The following THAP4 variants were observed in gnomAD, a reference collection of about 807,000 sequenced individuals.
The protein encoded by THAP4 is peroxynitrite isomerase THAP4.
In THAP4, 18 loss-of-function variants were observed where a neutral mutation model predicts 48.1. The ratio of observed to expected loss-of-function variants is 0.37; its 90% CI spans 0.26 to 0.56. The LOEUF is 0.56. Among genes scored for constraint, THAP4 ranks in the 20% least tolerant of loss-of-function variants. The pLI is 0.78. For missense variants in THAP4, 656 were observed against 774.9 expected (o/e 0.85, Z 1.82); for synonymous variants, 345 against 324.9 (o/e 1.06, Z -0.66).
chr2:241,635,317 C>A (rs1575042766), intron 1 of THAP4, among the ~76,000 whole-genome samples: 1 of 152,094 alleles, frequency 6.6e-6, no homozygotes, highest in East Asian at 1.9e-4. Flanking sequence ...TTTCATGTTA[C>A]ATGTATTATA....
chr2:241,626,416 G>A (rs2125095352), intron 2 of THAP4, among the ~76,000 whole-genome samples: 1 of 151,926 alleles, frequency 6.6e-6, no homozygotes, highest in South Asian at 2.1e-4. Context: ...ACTCTAGCCT[G>A]GGCAACAAGA....
chr2:241,597,192 G>C (rs558614475), intron 5 of THAP4, among the ~76,000 whole-genome samples: 1 of 152,038 alleles, frequency 6.6e-6, no homozygotes, highest in Non-Finnish European at 1.5e-5. Flanking sequence ...GTGCAGTGGC[G>C]CGATCTCGGC....
At chr2:241,635,212 G>A (rs547144405) in intron 1 of THAP4, among the ~76,000 whole-genome samples, 3 of 152,338 alleles carry the variant, frequency 2.0e-5, no homozygotes, top group Admixed American at 2.0e-4. Context: ...TTGGGTCCAG[G>A]AGGCTGAGGC....
intron 3 of THAP4, among the ~76,000 whole-genome samples, chr2:241,606,036 A>C (rs984492003): frequency 1.3e-5 from 2 of 152,344 alleles, no homozygotes; most frequent in East Asian, 3.9e-4. Context: ...TGATACATAA[A>C]TTAAGTACAT....
chr2:241,629,533 G>A (rs963431396), intron 2 of THAP4, among the ~76,000 whole-genome samples: 5 of 151,036 alleles, frequency 3.3e-5, no homozygotes, highest in East Asian at 1.9e-4. Context: ...ATAAGAAAAC[G>A]GTGAGGAAGC....
At position 241,612,772 on chromosome 2, in the gene THAP4, A is replaced by G. The variant is rs1316951169; in HGVS notation, c.1241-6299T>C. 3.9e-5 allele frequency among the ~76,000 whole-genome samples: 6 copies of G among 152,340 alleles called. No individual in the cohort carries two copies. In the Middle Eastern group the frequency reaches 0.014, roughly 345 times the overall value. ...TCTCCACAGCTGCGTTCTGTGGCAGAAGACGCTAGAGTCACACGTAGAAGG... is the reference window on the plus strand; with the variant it reads ...TCTCCACAGCTGCGTTCTGTGGCAGGAGACGCTAGAGTCACACGTAGAAGG... On this transcript the variant is annotated intron_variant, in intron 2 of 5. Transcript: ENST00000407315. The surrounding 1 kb of genome is among the most constrained non-coding windows in gnomAD (Gnocchi z 4.1).
chr2:241,617,686 T>C (rs1342648513), intron 2 of THAP4, among the ~76,000 whole-genome samples: 1 of 151,992 alleles, frequency 6.6e-6, no homozygotes, highest in Non-Finnish European at 1.5e-5. Flanking sequence ...TGGCCAGAGG[T>C]CTGGGCGGAG....
At chr2:241,622,278 T>C (rs1326338085) in intron 2 of THAP4, among the ~76,000 whole-genome samples, 3 of 152,182 alleles carry the variant, frequency 2.0e-5, no homozygotes, top group Admixed American at 6.5e-5. Flanking sequence ...GGCAGGAGAA[T>C]TGCTTGAGCA....
intron 5 of THAP4, among the ~76,000 whole-genome samples, chr2:241,587,458 G>A (rs1234832042): frequency 1.3e-5 from 2 of 152,148 alleles, no homozygotes; most frequent in African/African-American, 4.8e-5. Flanking sequence ...CTTTGGACTT[G>A]GACTGAGCCA....
intron 2 of THAP4, among the ~76,000 whole-genome samples, chr2:241,613,703 C>T (rs772378007): frequency 6.6e-6 from 1 of 151,910 alleles, no homozygotes; most frequent in Admixed American, 6.6e-5. Context: ...CGCAATGAGC[C>T]GAGAGCACAT....
chr2:241,590,160 T>C (rs936272429), intron 5 of THAP4, among the ~76,000 whole-genome samples: 2 of 142,434 alleles, frequency 1.4e-5, no homozygotes, highest in African/African-American at 2.7e-5. Context: ...TAATGGGCAC[T>C]AGGACACTCA....
intron 2 of THAP4, among the ~76,000 whole-genome samples, chr2:241,625,113 C>CAG (rs1416829949): frequency 6.6e-6 from 1 of 152,154 alleles, no homozygotes; most frequent in African/African-American, 2.4e-5. Context: ...AAAACAGTAG[C>CAG]AGAGGAAATG....
chr2:241,634,170 C>A lies in THAP4; in HGVS notation c.78-91G>T, dbSNP rs770123132. On this transcript the variant is annotated intron_variant, in intron 1 of 5. Coordinates refer to ENST00000407315, the MANE Select transcript of THAP4 (RefSeq NM_015963.6). ...TAAAAGCAAAACAAGTATTTTTGCA[C>A]GCACCCTAAGCCGTATTGACTTCAT... 36 of 1,001,360 alleles carry A rather than the reference C, an allele frequency of 3.6e-5. 1 individual carries two copies. In the South Asian group the frequency reaches 4.6e-4, roughly 13 times the overall value. The allele number at this position is 1,001,360 out of a possible 1,614,324, so 62.0% of individuals were successfully genotyped here.
In THAP4 at chr2:241,601,917, G is replaced by A; in HGVS notation, c.1593C>T (p.Ala531=). ...TCACCTGCTCTACGTGGGGCTCCTT[G>A]GCGAAGGAGATCCTGGCGATGGAGT... ...ASHSIARISF[A]KEPHVEQITR... is the part of the protein sequence containing the mutation. Residue 531 remains alanine (A), a synonymous_variant, in exon 5 of 6, where the codon GCC becomes GCT. Transcript: ENST00000407315. This position sits in a 1 kb window ranked among gnomAD's most constrained non-coding sequence, Gnocchi z 4.0. 2 of 1,613,916 alleles carry A rather than the reference G, an allele frequency of 1.2e-6. No individual in the cohort carries two copies. Among genetic ancestry groups the A allele is most frequent in the Non-Finnish European group, 1.7e-6 (2 of 1,180,018 alleles).
At chr2:241,625,686 T>C (rs2067487330) in intron 2 of THAP4, among the ~76,000 whole-genome samples, 1 of 146,206 alleles carries the variant, frequency 6.8e-6, no homozygotes, top group African/African-American at 2.5e-5. Flanking sequence ...TGGTCCCAGC[T>C]ACTAGGGAGG....
chr2:241,636,962 T>C lies in THAP4; in HGVS notation c.56A>G (p.Lys19Arg). 7.6e-7 allele frequency: 1 copy of C among 1,310,602 alleles called. No homozygotes were observed. The highest frequency in any genetic ancestry group is 9.9e-7 in the Non-Finnish European group (1 of 1,006,416). 81.2% of individuals were successfully genotyped at this position (1,310,602 alleles called of 1,614,324 possible). A position where few individuals can be genotyped will look rare whatever the true frequency, so the allele number is the denominator to read the frequency against. ...GTACCTGTGGAAGGAGACGGCGCGCTTCTCGCCCTTTCCCTGCCGGTTGGA... is the reference window on the plus strand; with the variant it reads ...GTACCTGTGGAAGGAGACGGCGCGCCTCTCGCCCTTTCCCTGCCGGTTGGA... ...NCSNRQGKGE[K>R]RAVSFHRFPL... is the part of the protein sequence containing the mutation. The change falls in exon 1 of 6, where the codon AAG becomes AGG. Residue 19 changes from lysine to arginine, a missense_variant. This residue lies in a region of THAP4 where 59 missense variants were observed against 45.8 expected (regional missense o/e 1.29). Coordinates refer to ENST00000407315, the MANE Select transcript of THAP4 (RefSeq NM_015963.6).
intron 5 of THAP4, among the ~76,000 whole-genome samples, chr2:241,597,138 T>C (rs1157025521): frequency 6.6e-6 from 1 of 152,160 alleles, no homozygotes; most frequent in African/African-American, 2.4e-5. Flanking sequence ...AGGAAACTTC[T>C]TTTTTCCCCA....
chr2:241,637,334 G>T (rs1431278283), upstream of THAP4: 1 of 1,271,060 alleles, frequency 7.9e-7, no homozygotes, highest in African/African-American at 1.6e-5. Context: ...TCCGTACCGC[G>T]ACATGGGCGC....
At chr2:241,591,665 C>G (rs1361016298) in intron 5 of THAP4, among the ~76,000 whole-genome samples, 1 of 152,050 alleles carries the variant, frequency 6.6e-6, no homozygotes, top group African/African-American at 2.4e-5. Flanking sequence ...GTAGCTGGCC[C>G]TCATCTGAGA....
Sources: gnomAD v4.1 joint callset for allele counts (sites outside exome capture counted in the v4.1 genomes callset) on GRCh38, gnomAD v4.1.1 for gene constraint, gnomAD v4.1.1 regional missense constraint, Gnocchi (gnomAD v3.1) non-coding constraint, MANE v1.5 for transcripts, NCBI Gene and HGNC (gene_info 2026-07-23, HGNC 2026-07-21) for gene names.